NLRP11: variants seen among roughly 807,000 people sequenced by gnomAD.
NLRP11 encodes the protein NLR family pyrin domain containing 11.
NLRP11 carries 53 observed loss-of-function variants against 79.3 expected under a neutral mutation model. That is an observed-to-expected ratio of 0.67 (90% CI 0.54 to 0.84). The LOEUF is 0.84. Ranked by LOEUF, NLRP11 falls within the 40% of genes least tolerant of loss-of-function variation. The probability of loss-of-function intolerance (pLI) is 0.00; values close to 1 mark genes in which losing one functional copy is unlikely to be tolerated. For synonymous variants in NLRP11, 518 were observed against 462.6 expected (o/e 1.12, Z -1.54); for missense variants, 1,264 against 1,255.0 (o/e 1.01, Z -0.11).
chr19:55,786,713 GT>G (rs906885055), intron 9 of NLRP11, among the ~76,000 whole-genome samples: 3 of 151,806 alleles, frequency 2.0e-5, no homozygotes, highest in African/African-American at 4.8e-5. Flanking sequence ...CTGCAGTTTA[GT>G]TTTTTTTGAG....
At chr19:55,807,465 T>G (rs749763874) in intron 4 of NLRP11, among the ~76,000 whole-genome samples, 12 of 152,162 alleles carry the variant, frequency 7.9e-5, no homozygotes, top group Non-Finnish European at 2.9e-5. Flanking sequence ...AAGAGACTAC[T>G]TTCCCAGTCC....
chr19:55,799,703 A>C (rs543177379), intron 5 of NLRP11, among the ~76,000 whole-genome samples: 1 of 152,258 alleles, frequency 6.6e-6, no homozygotes, highest in African/African-American at 2.4e-5. Context: ...GAACTATGTC[A>C]GAAAGAAAGT....
intron 2 of NLRP11, among the ~76,000 whole-genome samples, chr19:55,814,303 T>C (rs1980878372): frequency 6.6e-6 from 1 of 152,166 alleles, no homozygotes; most frequent in Admixed American, 6.5e-5. Flanking sequence ...CTCCCAGTGA[T>C]TCTACATCAT....
intron 1 of NLRP11, among the ~76,000 whole-genome samples, chr19:55,821,296 C>T (rs1010338634): frequency 1.1e-4 from 17 of 151,452 alleles, no homozygotes; most frequent in Middle Eastern, 3.4e-3. Flanking sequence ...GCCAATACCT[C>T]GTGTGTGTTT....
intron 5 of NLRP11, among the ~76,000 whole-genome samples, chr19:55,796,835 T>C (rs768756862): frequency 6.6e-6 from 1 of 152,084 alleles, no homozygotes; most frequent in Non-Finnish European, 1.5e-5. Context: ...ATTACAGGCA[T>C]GCGTTACCAC....
chr19:55,835,607 C>T (rs1406299405), upstream of NLRP11, among the ~76,000 whole-genome samples: 1 of 149,436 alleles, frequency 6.7e-6, no homozygotes, highest in African/African-American at 2.5e-5. Flanking sequence ...TTTGGGAGGC[C>T]GAGGCGGGCA....
At chr19:55,824,327 C>T (rs1480064925) in intron 1 of NLRP11, among the ~76,000 whole-genome samples, 7 of 149,066 alleles carry the variant, frequency 4.7e-5, no homozygotes, top group African/African-American at 1.8e-4. Context: ...ATGTAAAGAC[C>T]ATCGAGACCA....
At chr19:55,800,038 A>G (rs1477571598) in intron 5 of NLRP11, among the ~76,000 whole-genome samples, 4 of 152,166 alleles carry the variant, frequency 2.6e-5, no homozygotes, top group Non-Finnish European at 4.4e-5. Flanking sequence ...CTGCTGCTCA[A>G]ATGGCTGAAG....
intron 2 of NLRP11, 106 bp downstream of exon 2, chr19:55,817,798 C>T (rs1981282542): frequency 3.3e-6 from 3 of 902,396 alleles, no homozygotes; most frequent in Non-Finnish European, 5.0e-6. Flanking sequence ...CAAATACCAC[C>T]TGCTTCCCAG....
chr19:55,812,434 C>G (rs1980692651), intron 2 of NLRP11, among the ~76,000 whole-genome samples: 1 of 152,058 alleles, frequency 6.6e-6, no homozygotes, highest in African/African-American at 2.4e-5. Flanking sequence ...AACTGTGATA[C>G]AATATCAAAG....
chr19:55,808,060 C>T (rs1337673605), intron 3 of NLRP11, 46 bp from the exon 4 acceptor site: 1 of 1,328,872 alleles, frequency 7.5e-7, no homozygotes. Context: ...CGATTCAACT[C>T]CAGCAATTTG....
chr19:55,822,194 G>A (rs1333017821), intron 1 of NLRP11, among the ~76,000 whole-genome samples: 2 of 152,178 alleles, frequency 1.3e-5, no homozygotes, highest in Non-Finnish European at 2.9e-5. Flanking sequence ...AACCTGGGAG[G>A]CAGAGATTGC....
At chr19:55,794,950 G>A (rs6509960) in intron 6 of NLRP11, among the ~76,000 whole-genome samples, 1 of 151,610 alleles carries the variant, frequency 6.6e-6, no homozygotes, top group South Asian at 2.1e-4. Context: ...GAGCTAAAGG[G>A]AGCCAAAAAT....
At chr19:55,786,243 C>T (rs1490652203) in intron 9 of NLRP11, among the ~76,000 whole-genome samples, 1 of 152,208 alleles carries the variant, frequency 6.6e-6, no homozygotes, top group Non-Finnish European at 1.5e-5. Flanking sequence ...TGTTTACAGG[C>T]TGGACGCAGT....
At chr19:55,819,125 C>CCACA (rs1380724550) in intron 1 of NLRP11, among the ~76,000 whole-genome samples, 1 of 95,918 alleles carries the variant, frequency 1.0e-5, no homozygotes. Flanking sequence ...GTGGTATCGC[C>CCACA]TACACACACA....
At chr19:55,834,942 C>A (rs1010647394), upstream of NLRP11, among the ~76,000 whole-genome samples, 1 of 151,968 alleles carries the variant, frequency 6.6e-6, no homozygotes, top group Non-Finnish European at 1.5e-5. Flanking sequence ...AAAAGAAAAT[C>A]GAAGGGAATG....
At chr19:55,821,095 G>A (rs1223377010) in intron 1 of NLRP11, among the ~76,000 whole-genome samples, 1 of 151,904 alleles carries the variant, frequency 6.6e-6, no homozygotes, top group Non-Finnish European at 1.5e-5. Context: ...CTGGAAGCTT[G>A]CAATTTCCTT....
intron 2 of NLRP11, among the ~76,000 whole-genome samples, chr19:55,813,024 A>T (rs374425567): frequency 5.1e-4 from 77 of 152,208 alleles, no homozygotes; most frequent in African/African-American, 1.7e-3. Context: ...CATGTTGAAA[A>T]CTTATTAAAA....
intron 6 of NLRP11, 67 bp from the exon 7 acceptor site, chr19:55,792,538 C>A (rs566112822): frequency 2.3e-6 from 3 of 1,313,556 alleles, no homozygotes; most frequent in South Asian, 1.2e-5. Context: ...TGAGACCACC[C>A]ACCCCACGCC....
Sources: gnomAD v4.1 joint callset for allele counts (sites outside exome capture counted in the v4.1 genomes callset) on GRCh38, gnomAD v4.1.1 for gene constraint, MANE v1.5 for transcripts, NCBI Gene and HGNC (gene_info 2026-07-23, HGNC 2026-07-21) for gene names.